Variants in GRIK2 observed in about 807,000 individuals in gnomAD.
The protein encoded by GRIK2 is glutamate ionotropic receptor kainate type subunit 2.
In GRIK2, 32 loss-of-function variants were observed where a neutral mutation model predicts 100.3. The observed-to-expected ratio is 0.32, with a 90% CI of 0.24 to 0.43. GRIK2 has a LOEUF of 0.43. GRIK2 is among the 20% of genes least tolerant of loss of function. The pLI, the probability that GRIK2 is intolerant of heterozygous loss-of-function variation, is 1.00. For synonymous variants in GRIK2, 417 were observed against 389.4 expected (o/e 1.07, Z -0.83); for missense variants, 843 against 1,114.9 (o/e 0.76, Z 3.47).
At chr6:101,683,267 C>T (rs1190303996) in intron 6 of GRIK2, among the ~76,000 whole-genome samples, 1 of 151,962 alleles carries the variant, frequency 6.6e-6, no homozygotes, top group Admixed American at 6.6e-5. Flanking sequence ...CAGCTGTATT[C>T]ACTTTTTGAA....
intron 12 of GRIK2, 56 bp downstream of exon 12, chr6:101,889,919 A>G: frequency 1.1e-6 from 1 of 896,730 alleles, no homozygotes; most frequent in East Asian, 2.4e-5. Flanking sequence ...TTATCTAACT[A>G]ATAATTGTCA....
chr6:101,883,322 T>TA (rs1463528837), intron 11 of GRIK2, among the ~76,000 whole-genome samples: 2 of 144,408 alleles, frequency 1.4e-5, no homozygotes, highest in East Asian at 2.2e-4. Flanking sequence ...ATAATAATAA[T>TA]ATAATAAAGG....
intron 14 of GRIK2, among the ~76,000 whole-genome samples, chr6:101,975,950 A>G (rs901897439): frequency 1.3e-5 from 2 of 151,976 alleles, no homozygotes; most frequent in South Asian, 4.1e-4. Flanking sequence ...AACTATAAAG[A>G]CAGGGAATAA....
In GRIK2 at chr6:101,544,689, G is replaced by T. The variant is rs149163896; in HGVS notation, c.116-77260G>T. Among the ~76,000 whole-genome samples the T allele has an allele frequency of 1.1e-4, 16 of 152,212 alleles. No individual in the cohort carries two copies. The East Asian group carries it at 2.7e-3, about 26-fold the overall frequency. ...GTGCCTCCTCTATGCTATGCTCTAT[G>T]CTCTTACGCATTTTAAATCACTTAA... On this transcript the variant is annotated intron_variant, in intron 2 of 16. Transcript: ENST00000369134.
intron 10 of GRIK2, among the ~76,000 whole-genome samples, chr6:101,820,436 A>ATTC (rs571134128): frequency 1.3e-5 from 2 of 151,184 alleles, no homozygotes; most frequent in Non-Finnish European, 3.0e-5. Flanking sequence ...TCTTCGCTCA[A>ATTC]TTCTTCTTCT....
intron 7 of GRIK2, among the ~76,000 whole-genome samples, chr6:101,739,968 C>T (rs553456273): frequency 1.7e-4 from 26 of 152,160 alleles, no homozygotes; most frequent in Admixed American, 1.4e-3. Flanking sequence ...ACATTGTTTT[C>T]GTAGTTGCTC....
chr6:101,707,225 A>G (rs1369427726), intron 7 of GRIK2, among the ~76,000 whole-genome samples: 1 of 151,590 alleles, frequency 6.6e-6, no homozygotes, highest in African/African-American at 2.4e-5. Flanking sequence ...TTGACTCATA[A>G]TGCTGTTAAG....
intron 15 of GRIK2, among the ~76,000 whole-genome samples, chr6:102,040,254 T>C (rs970941148): frequency 6.6e-6 from 1 of 151,548 alleles, no homozygotes; most frequent in South Asian, 2.1e-4. Flanking sequence ...AGCTGTTATA[T>C]ACATTTTCTC....
At chr6:101,534,295 A>G (rs141255803) in intron 2 of GRIK2, among the ~76,000 whole-genome samples, 14 of 152,018 alleles carry the variant, frequency 9.2e-5, no homozygotes, top group African/African-American at 2.6e-4. Context: ...ACAGTATTCA[A>G]TGTTTTCATT....
At chr6:101,526,122 T>C (rs1775143015) in intron 2 of GRIK2, among the ~76,000 whole-genome samples, 4 of 152,180 alleles carry the variant, frequency 2.6e-5, no homozygotes, top group Admixed American at 1.3e-4. Flanking sequence ...CTGTCCGACC[T>C]CAGTGCAGAT....
At chr6:101,827,815 A>G (rs1419432848) in intron 10 of GRIK2, among the ~76,000 whole-genome samples, 1 of 152,008 alleles carries the variant, frequency 6.6e-6, no homozygotes, top group Admixed American at 6.6e-5. Context: ...AAAGACTTTA[A>G]CAGCTACACG....
intron 14 of GRIK2, among the ~76,000 whole-genome samples, chr6:102,000,515 A>G (rs1794883229): frequency 6.6e-6 from 1 of 152,166 alleles, no homozygotes; most frequent in East Asian, 1.9e-4. Flanking sequence ...AAGTAAGAAC[A>G]TGAGGTATTT....
intron 10 of GRIK2, among the ~76,000 whole-genome samples, chr6:101,834,926 G>A (rs1366115446): frequency 6.6e-6 from 1 of 152,072 alleles, no homozygotes; most frequent in Non-Finnish European, 1.5e-5. Context: ...TACTACCTGA[G>A]CTTGGGAGAT....
At chr6:101,472,637 T>G (rs1418183247) in intron 2 of GRIK2, among the ~76,000 whole-genome samples, 3 of 151,796 alleles carry the variant, frequency 2.0e-5, no homozygotes, top group Non-Finnish European at 4.4e-5. Context: ...AAGTTTATTT[T>G]TAAGTGTGTG....
At chr6:101,486,391 C>CGGG (rs748806335) in intron 2 of GRIK2, among the ~76,000 whole-genome samples, 30 of 90,850 alleles carry the variant, frequency 3.3e-4, no homozygotes, top group African/African-American at 5.3e-4. Flanking sequence ...GGGGGTGGGG[C>CGGG]GGGGGGGGGA....
At chr6:101,920,991 G>A (rs994900192) in intron 12 of GRIK2, among the ~76,000 whole-genome samples, 4 of 151,974 alleles carry the variant, frequency 2.6e-5, no homozygotes, top group African/African-American at 9.7e-5. Context: ...AGTCCAGTTA[G>A]GAGACTACTG....
At chr6:101,556,501 A>T (rs547249817) in intron 2 of GRIK2, among the ~76,000 whole-genome samples, 4 of 151,652 alleles carry the variant, frequency 2.6e-5, no homozygotes, top group Non-Finnish European at 5.9e-5. Flanking sequence ...TCACAAAATG[A>T]ACAGCTGTTC....
intron 14 of GRIK2, among the ~76,000 whole-genome samples, chr6:101,997,473 TATTA>T (rs1181105152): frequency 1.3e-5 from 2 of 152,102 alleles, no homozygotes; most frequent in Non-Finnish European, 2.9e-5. Context: ...TCAATGTGAT[TATTA>T]ATTGTTAATT....
At chr6:101,562,253 T>C (rs1220896396) in intron 2 of GRIK2, among the ~76,000 whole-genome samples, 1 of 152,104 alleles carries the variant, frequency 6.6e-6, no homozygotes, top group Non-Finnish European at 1.5e-5. Context: ...TTTATCCTGA[T>C]TTTTACTTGA....
Sources: allele counts gnomAD v4.1 joint callset (sites outside exome capture counted in the v4.1 genomes callset), GRCh38; gene constraint gnomAD v4.1.1; transcripts MANE v1.5; gene names NCBI Gene and HGNC (gene_info 2026-07-23, HGNC 2026-07-21).